XYLB: variants seen among roughly 807,000 people sequenced by gnomAD.
The protein encoded by XYLB is xylulokinase.
In XYLB, 62 loss-of-function variants were observed where a neutral mutation model predicts 78.7. The ratio of observed to expected loss-of-function variants is 0.79; its 90% CI spans 0.64 to 0.97. The LOEUF (loss-of-function observed/expected upper bound fraction) is 0.97, where lower values mean the gene tolerates loss of function less well. Ranked by LOEUF, XYLB falls within the 50% of genes least tolerant of loss-of-function variation. XYLB has a pLI of 0.00. For synonymous variants in XYLB, 245 were observed against 247.4 expected, an observed-to-expected ratio of 0.99 and a Z score of 0.09; for missense variants, 687 against 676.8, an observed-to-expected ratio of 1.02 and a Z score of -0.17.
intron 8 of XYLB, among the ~76,000 whole-genome samples, chr3:38,369,825 T>C (rs1390509874): frequency 6.6e-6 from 1 of 152,056 alleles, no homozygotes; most frequent in African/African-American, 2.4e-5. Context: ...ACTGTAGTGT[T>C]TGAGTTGATG....
At chr3:38,386,005 T>C (rs548595529) in intron 15 of XYLB, among the ~76,000 whole-genome samples, 2 of 152,344 alleles carry the variant, frequency 1.3e-5, no homozygotes, top group East Asian at 3.9e-4. Context: ...CCTTTCTATT[T>C]GTCTGTCTGT....
rs1706049529 is a variant in XYLB at position 38,362,895 on chromosome 3, G to C, written c.211-42G>C. On this transcript the variant is annotated intron_variant, in intron 3 of 18. Coordinates refer to ENST00000207870, the MANE Select transcript of XYLB (RefSeq NM_005108.4). ...TTCTGAGGCTTGCGTGTCTGATTCAGTGGTTCTGTACAGTCATGGTGGGTT... is the reference window on the plus strand; with the variant it reads ...TTCTGAGGCTTGCGTGTCTGATTCACTGGTTCTGTACAGTCATGGTGGGTT... 8.4e-6 allele frequency: 12 copies of C among 1,430,768 alleles called. No individual in the cohort carries two copies. The East Asian group carries it at 3.2e-4, about 38-fold the overall frequency. 88.6% of individuals were successfully genotyped at this position (1,430,768 alleles called of 1,614,324 possible).
intron 16 of XYLB, among the ~76,000 whole-genome samples, 186 bp downstream of exon 16, chr3:38,395,749 T>C (rs1045434648): frequency 2.6e-5 from 4 of 152,222 alleles, no homozygotes; most frequent in Non-Finnish European, 4.4e-5. Context: ...CTGTCTCACA[T>C]GCAGGTGAAT....
chr3:38,412,078 G>C (rs1424944926), intron 18 of XYLB, among the ~76,000 whole-genome samples: 2 of 151,336 alleles, frequency 1.3e-5, no homozygotes, highest in African/African-American at 4.9e-5. Context: ...GCAACCCCCG[G>C]CTCCCAGGTT....
At chr3:38,437,996 G>A in the XYLB span, among the ~76,000 whole-genome samples, 2 of 152,160 alleles carry the variant, frequency 1.3e-5, no homozygotes, top group Non-Finnish European at 2.9e-5. Context: ...CTTGAACCCA[G>A]GAGGCAGAGG....
At chr3:38,407,379 G>A (rs1187091378) in intron 18 of XYLB, among the ~76,000 whole-genome samples, 1 of 152,208 alleles carries the variant, frequency 6.6e-6, no homozygotes, top group African/African-American at 2.4e-5. Context: ...AGCTCCTGAA[G>A]GAAGCACTAA....
the XYLB span, among the ~76,000 whole-genome samples, chr3:38,427,935 T>A: frequency 6.6e-6 from 1 of 152,198 alleles, no homozygotes; most frequent in East Asian, 1.9e-4. Context: ...CATAACTGAT[T>A]TAAGACATTT....
intron 15 of XYLB, among the ~76,000 whole-genome samples, chr3:38,384,951 A>G (rs561247071): frequency 2.0e-5 from 3 of 152,284 alleles, no homozygotes; most frequent in Admixed American, 6.5e-5. Flanking sequence ...AAATTATTTT[A>G]TAGCCCTAGT....
Position 38,366,830 on chromosome 3 carries a change from C to G in XYLB, c.530C>G (p.Ala177Gly). The change falls in exon 7 of 19, where the codon GCA becomes GGA. Residue 177 changes from alanine to glycine, a missense_variant. Ala to Gly is a moderately conservative substitution (Grantham distance 60). Coordinates refer to ENST00000207870, the MANE Select transcript of XYLB (RefSeq NM_005108.4). ...CAGCGTTTTACAGGGAACCAAATTGCAAAAATTTACCAGCAGAACCCCGAG... is the reference window on the plus strand; with the variant it reads ...CAGCGTTTTACAGGGAACCAAATTGGAAAAATTTACCAGCAGAACCCCGAG... The part of the protein sequence containing the change: ...AYERFTGNQI[A>G]KIYQQNPEAY... The G allele has an allele frequency of 1.2e-6, 2 of 1,613,468 alleles. No homozygotes were observed. The highest frequency in any genetic ancestry group is 1.7e-6 in the Non-Finnish European group (2 of 1,179,492).
At chr3:38,407,580 C>A (rs1483016877) in intron 18 of XYLB, among the ~76,000 whole-genome samples, 2 of 151,898 alleles carry the variant, frequency 1.3e-5, no homozygotes, top group African/African-American at 4.8e-5. Flanking sequence ...TTAAAAGACA[C>A]AGACTGGCAA....
chr3:38,395,287 G>T (rs1707822133), intron 15 of XYLB, among the ~76,000 whole-genome samples: 1 of 152,116 alleles, frequency 6.6e-6, no homozygotes, highest in African/African-American at 2.4e-5. Flanking sequence ...AAGTATTAAA[G>T]ACAGTTAAGG....
intron 18 of XYLB, among the ~76,000 whole-genome samples, chr3:38,408,142 C>G (rs1316936558): frequency 6.6e-6 from 1 of 151,568 alleles, no homozygotes; most frequent in Admixed American, 6.6e-5. Context: ...AAGTAAAGCT[C>G]TCCTCAGCAA....
intron 18 of XYLB, among the ~76,000 whole-genome samples, chr3:38,404,431 G>A (rs941048758): frequency 4.6e-5 from 7 of 152,240 alleles, no homozygotes; most frequent in Admixed American, 6.5e-5. Flanking sequence ...CTCTGGCTCT[G>A]ACACCCTGTG....
the XYLB span, among the ~76,000 whole-genome samples, chr3:38,428,901 G>T: frequency 6.6e-6 from 1 of 152,014 alleles, no homozygotes; most frequent in Non-Finnish European, 1.5e-5. Flanking sequence ...TCCATATATT[G>T]GTTAGATCTC....
chr3:38,445,383 T>C, the XYLB span, among the ~76,000 whole-genome samples: 2 of 152,122 alleles, frequency 1.3e-5, no homozygotes, highest in South Asian at 4.2e-4. Flanking sequence ...AACAGAGTCA[T>C]GAAATTTATA....
intron 18 of XYLB, among the ~76,000 whole-genome samples, chr3:38,403,716 C>T (rs953492803): frequency 6.6e-6 from 1 of 152,022 alleles, no homozygotes; most frequent in Non-Finnish European, 1.5e-5. Flanking sequence ...TAGAAGGAGG[C>T]CAGCAAGGAG....
intron 15 of XYLB, among the ~76,000 whole-genome samples, 163 bp downstream of exon 15, chr3:38,379,505 C>T (rs1707042191): frequency 6.6e-6 from 1 of 152,154 alleles, no homozygotes; most frequent in Non-Finnish European, 1.5e-5. Context: ...GAGAAAGTGT[C>T]AATTGGCACT....
chr3:38,442,819 C>T, the XYLB span, among the ~76,000 whole-genome samples: 248 of 142,728 alleles, frequency 1.7e-3, no homozygotes, highest in African/African-American at 6.2e-3. Context: ...AGGGATATTG[C>T]GTTTGATAGG....
chr3:38,359,166 T>G (rs1229630100), intron 2 of XYLB, among the ~76,000 whole-genome samples: 1 of 152,402 alleles, frequency 6.6e-6, no homozygotes, highest in East Asian at 1.9e-4. Context: ...CTGAAAGCAT[T>G]TCTTATGGGA....
Sources: gnomAD v4.1 joint callset for allele counts (sites outside exome capture counted in the v4.1 genomes callset) on GRCh38, gnomAD v4.1.1 for gene constraint, MANE v1.5 for transcripts, NCBI Gene and HGNC (gene_info 2026-07-23, HGNC 2026-07-21) for gene names.